Variants in MTF1 observed in about 807,000 individuals in gnomAD.
MTF1 encodes MRE-binding transcription factor.
MTF1 carries 22 observed loss-of-function variants against 70.4 expected under a neutral mutation model. The ratio of observed to expected loss-of-function variants is 0.31; its 90% confidence interval spans 0.22 to 0.45. The LOEUF is 0.45. MTF1 is among the 20% of genes least tolerant of loss of function. The pLI, the probability that MTF1 is intolerant of heterozygous loss-of-function variation, is 1.00. For synonymous variants in MTF1, 333 were observed against 352.8 expected (o/e 0.94, Z 0.63); for missense variants, 649 against 922.0 (o/e 0.70, Z 3.83).
In MTF1 at chr1:37,822,243, T is replaced by C. The variant is rs781167380; in HGVS notation, c.1645A>G (p.Thr549Ala). The stretch of plus-strand genomic sequence containing the variant: ...TTGGGAGTTGGGGTGATGGTTATTG[T>C]GGGATTATTAGTTAGGACAGAGTTG... ...GANSVLTNNPTITITPTPNTA... is the reference protein window; with the variant it reads ...GANSVLTNNPAITITPTPNTA... Residue 549 changes from threonine (T) to alanine (A), a missense_variant, in exon 9 of 11, where the codon ACA (threonine) becomes GCA (alanine). Physicochemically the swap from Thr to Ala is moderately conservative, Grantham distance 58. This residue lies in a region of MTF1 where 267 missense variants were observed against 292.1 expected (regional missense o/e 0.91). Coordinates refer to ENST00000373036, the MANE Select transcript of MTF1 (RefSeq NM_005955.3). The C allele has an allele frequency of 9.3e-6, 15 of 1,614,118 alleles. No individual in the cohort carries two copies. The highest frequency in any genetic ancestry group is 1.1e-5 in the Non-Finnish European group (13 of 1,180,022).
chr1:37,840,422 T>C lies in MTF1; in HGVS notation c.409-264A>G, dbSNP rs1281973125. ...AATGAACATAAGAATGTTTTCAGAC[T>C]CTATATACATCTACCCACTAAAAGT... On this transcript the variant is annotated intron_variant, in intron 2 of 10. Coordinates refer to ENST00000373036, the MANE Select transcript of MTF1 (RefSeq NM_005955.3). This position sits in a 1 kb window ranked among gnomAD's most constrained non-coding sequence, Gnocchi z 4.5. The C allele has an allele frequency of 1.9e-6, 1 of 528,054 alleles. No individual in the cohort carries two copies. Among genetic ancestry groups the C allele is most frequent in the East Asian group, 4.3e-5 (1 of 23,528 alleles). The allele number at this position is 528,054 out of a possible 1,614,324, so 32.7% of individuals were successfully genotyped here. A position where few individuals can be genotyped will look rare whatever the true frequency, so the allele number is the denominator to read the frequency against.
intron 7 of MTF1, among the ~76,000 whole-genome samples, chr1:37,831,747 A>T (rs935655976): frequency 2.0e-5 from 3 of 152,212 alleles, no homozygotes; most frequent in African/African-American, 7.2e-5. Context: ...AAAGCTAATA[A>T]ACCTAAAGAA....
intron 1 of MTF1, among the ~76,000 whole-genome samples, chr1:37,857,915 A>G (rs1475376753): frequency 6.6e-6 from 1 of 151,910 alleles, no homozygotes; most frequent in East Asian, 1.9e-4. Context: ...GGTGGCTCAC[A>G]CCTGTAATCC....
intron 2 of MTF1, among the ~76,000 whole-genome samples, chr1:37,851,598 G>A (rs1641418961): frequency 6.6e-6 from 1 of 152,144 alleles, no homozygotes; most frequent in Non-Finnish European, 1.5e-5. Context: ...GAAAAATTCT[G>A]TGTTTTCTTC....
At chr1:37,839,725 G>C (rs1203017040) in intron 3 of MTF1, among the ~76,000 whole-genome samples, 195 bp downstream of exon 3, 2 of 152,188 alleles carry the variant, frequency 1.3e-5, no homozygotes, top group Non-Finnish European at 2.9e-5. Flanking sequence ...TAAGTAACAG[G>C]TTTCTCTAAT....
chr1:37,831,474 G>A (rs1172393123), intron 7 of MTF1, among the ~76,000 whole-genome samples: 1 of 152,108 alleles, frequency 6.6e-6, no homozygotes, highest in Non-Finnish European at 1.5e-5. Context: ...TCTAGCCTAT[G>A]CTATATTTAT....
At chr1:37,850,071 C>T (rs1418130599) in intron 2 of MTF1, among the ~76,000 whole-genome samples, 3 of 151,056 alleles carry the variant, frequency 2.0e-5, no homozygotes, top group East Asian at 2.0e-4. Flanking sequence ...CCCCTCTCTA[C>T]CAAAACAACC....
rs563179255 is a variant in MTF1, at chr1:37,838,844, G to A, written c.648-88C>T. 2.4e-5 allele frequency: 25 copies of A among 1,020,550 alleles called. 1 individual carries two copies. Among genetic ancestry groups the A allele is most frequent in the East Asian group, 2.4e-4 (6 of 25,262 alleles). The allele number at this position is 1,020,550 out of a possible 1,614,324, so 63.2% of individuals were successfully genotyped here. ...TCTGAGACAGAGTTTCGCTCTTGTCGCCCAGGCTGGAGTGCAATGGCGCAG... is the reference window on the plus strand; with the variant it reads ...TCTGAGACAGAGTTTCGCTCTTGTCACCCAGGCTGGAGTGCAATGGCGCAG... On this transcript the variant is annotated intron_variant, in intron 3 of 10. Coordinates refer to ENST00000373036, the MANE Select transcript of MTF1 (RefSeq NM_005955.3).
rs548848111 is a variant in MTF1 at position 37,810,201 on chromosome 1, G to T, written c.*4935C>A. ...AGCCTCTGACTTGGCACACTACGAGGATAACAAGGATATTGCAAAAAACAC... is the reference window on the plus strand; with the variant it reads ...AGCCTCTGACTTGGCACACTACGAGTATAACAAGGATATTGCAAAAAACAC... On this transcript the variant is annotated 3_prime_UTR_variant, in exon 11 of 11. Coordinates refer to ENST00000373036, the MANE Select transcript of MTF1 (RefSeq NM_005955.3). The T allele has an allele frequency of 7.7e-4, 117 of 152,564 alleles. No homozygotes were observed. Among genetic ancestry groups the T allele is most frequent in the Non-Finnish European group, 1.3e-3 (89 of 68,028 alleles). The allele number at this position is 152,564 out of a possible 1,614,324, so 9.5% of individuals were successfully genotyped here.
At chr1:37,839,884 G>T (rs1413122866) in intron 3 of MTF1, 36 bp downstream of exon 3, 1 of 1,545,484 alleles carries the variant, frequency 6.5e-7, no homozygotes, top group African/African-American at 1.4e-5. Flanking sequence ...CAAGGTCAAG[G>T]TCAGAGGCTG....
intron 2 of MTF1, among the ~76,000 whole-genome samples, chr1:37,854,514 G>T (rs1256715856): frequency 6.6e-6 from 1 of 152,156 alleles, no homozygotes; most frequent in Admixed American, 6.5e-5. Context: ...CTAGATTCCA[G>T]TATCGCCTCC....
At chr1:37,833,365 T>A (rs2148409704) in intron 6 of MTF1, among the ~76,000 whole-genome samples, 1 of 152,282 alleles carries the variant, frequency 6.6e-6, no homozygotes, top group East Asian at 1.9e-4. Flanking sequence ...ACCACTGTGT[T>A]TCCCACATGG....
chr1:37,837,349 C>T (rs1641185643), intron 4 of MTF1, among the ~76,000 whole-genome samples: 2 of 152,076 alleles, frequency 1.3e-5, no homozygotes, highest in South Asian at 4.1e-4. Flanking sequence ...AAGCCCAGCC[C>T]ACAATTCCAT....
rs1319241573 is a variant in MTF1, at chr1:37,814,985, T to C, written c.*151A>G. The C allele has an allele frequency of 2.4e-5, 16 of 680,094 alleles. No individual in the cohort carries two copies. Among genetic ancestry groups the C allele is most frequent in the Non-Finnish European group, 3.7e-5 (15 of 403,768 alleles). The allele number at this position is 680,094 out of a possible 1,614,324, so 42.1% of individuals were successfully genotyped here. A position where few individuals can be genotyped will look rare whatever the true frequency, so the allele number is the denominator to read the frequency against. ...AATAGTTCCTTAAAATGGATGCTCC[T>C]GGGATGTGAATAAAGAAAATACGTC... On this transcript the variant is annotated 3_prime_UTR_variant, in exon 11 of 11. Transcript: ENST00000373036.
chr1:37,822,089 C>G (rs770716806), intron 9 of MTF1, 32 bp downstream of exon 9: 35 of 1,503,646 alleles, frequency 2.3e-5, no homozygotes, highest in Non-Finnish European at 2.9e-5. Context: ...ATACACTTCA[C>G]CCCACTGGGT....
chr1:37,857,208 T>G (rs1339323350), intron 2 of MTF1, 43 bp downstream of exon 2: 1 of 1,576,154 alleles, frequency 6.3e-7, no homozygotes. Flanking sequence ...TGTAAGGACT[T>G]GCCCCAAAAC....
chr1:37,857,496 G>C lies in MTF1; in HGVS notation c.163C>G (p.Pro55Ala). Residue 55 changes from proline (P) to alanine (A), a missense_variant, in exon 2 of 11, where the codon CCT becomes GCT. This residue lies in a region of MTF1 where 9 missense variants were observed against 33.6 expected (regional missense o/e 0.27). Transcript: ENST00000373036. ...DRTTVLIEQD[P>A]GTLEDEDDDG... Reference sequence around the variant, plus strand: ...TCATCTTCATCCTCCAAAGTGCCAGGGTCCTGCTCAATAAGAACAGTGGTC... The same window carrying C: ...TCATCTTCATCCTCCAAAGTGCCAGCGTCCTGCTCAATAAGAACAGTGGTC... The C allele has an allele frequency of 1.2e-6, 2 of 1,614,132 alleles. No individual in the cohort carries two copies.
intron 2 of MTF1, among the ~76,000 whole-genome samples, chr1:37,850,562 GAGAA>G (rs1477346584): frequency 2.0e-5 from 3 of 149,420 alleles, no homozygotes; most frequent in South Asian, 4.2e-4. Flanking sequence ...AAAAGGGAGA[GAGAA>G]AGAGAGAGAG....
chr1:37,846,391 T>TAAAAA (rs370112178), intron 2 of MTF1, among the ~76,000 whole-genome samples: 1 of 113,288 alleles, frequency 8.8e-6, no homozygotes, highest in Non-Finnish European at 1.9e-5. Context: ...AGACCCCATT[T>TAAAAA]AAAAAAAAAA....
Sources: allele counts gnomAD v4.1 joint callset (sites outside exome capture counted in the v4.1 genomes callset), GRCh38; gene constraint gnomAD v4.1.1; regional missense constraint gnomAD v4.1.1; non-coding constraint Gnocchi (gnomAD v3.1); transcripts MANE v1.5; gene names NCBI Gene and HGNC (gene_info 2026-07-23, HGNC 2026-07-21).